Variants in PCED1A observed in about 807,000 individuals in gnomAD.
PCED1A encodes PC-esterase domain containing 1A.
A neutral mutation model predicts 41.9 loss-of-function variants in PCED1A; 20 were observed. The observed-to-expected ratio is 0.48, with a 90% CI of 0.34 to 0.69. The LOEUF (loss-of-function observed/expected upper bound fraction) is 0.69, where lower values mean the gene tolerates loss of function less well. PCED1A is among the 30% of genes least tolerant of loss of function. The pLI is 0.01. For synonymous variants in PCED1A, 236 were observed against 241.3 expected (o/e 0.98, Z 0.20); for missense variants, 498 against 602.1 (o/e 0.83, Z 1.81).
chr20:2,838,077 CCT>C lies in PCED1A; in HGVS notation c.841+153_841+154del, dbSNP rs1242382876. ...AAGAATATTGCTCCGATGATCTAAC[CCT>C]CCTCAGGGGTTGAGGAAGGTGCATG... On this transcript the variant is annotated intron_variant, in intron 6 of 7. Coordinates refer to ENST00000360652, the MANE Select transcript of PCED1A (RefSeq NM_022760.6). This position sits in a 1 kb window ranked among gnomAD's most constrained non-coding sequence, Gnocchi z 5.8. Among the ~76,000 whole-genome samples the C allele has an allele frequency of 2.6e-5, 4 of 152,196 alleles. No individual in the cohort carries two copies. Among genetic ancestry groups the C allele is most frequent in the African/African-American group, 9.7e-5 (4 of 41,448 alleles).
At chr20:2,840,927 G>C (rs2088962647), upstream of PCED1A, 1 of 1,195,664 alleles carries the variant, frequency 8.4e-7, no homozygotes, top group Admixed American at 2.5e-5. Flanking sequence ...CTGGCGCTGG[G>C]GTCCGCCCCG....
chr20:2,838,658 G>A lies in PCED1A; in HGVS notation c.532C>T (p.Leu178=). Residue 178 remains leucine (L), a synonymous_variant, in exon 5 of 8, where the codon CTG becomes TTG. Transcript: ENST00000360652. This position sits in a 1 kb window ranked among gnomAD's most constrained non-coding sequence, Gnocchi z 5.8. ...MDQVLPDSCL[L]VWNMAMPLGE... is the part of the protein sequence containing the mutation. ...AGGGGCATCGCCATGTTCCACACCAGCAGGCAGGAGTCTGGCAATACTTGG... is the reference window on the plus strand; with the variant it reads ...AGGGGCATCGCCATGTTCCACACCAACAGGCAGGAGTCTGGCAATACTTGG... 6.2e-7 allele frequency: 1 copy of A among 1,614,202 alleles called. No homozygotes were observed. The highest frequency in any genetic ancestry group is 8.5e-7 in the Non-Finnish European group (1 of 1,180,048).
intron 7 of PCED1A, 32 bp downstream of exon 7, chr20:2,836,007 C>A (rs371113087): frequency 2.0e-6 from 3 of 1,465,110 alleles, no homozygotes; most frequent in Non-Finnish European, 2.7e-6. Flanking sequence ...AGGGGAGGTA[C>A]AAGAGGGTGG....
At chr20:2,837,361 G>A (rs1286477674) in intron 6 of PCED1A, among the ~76,000 whole-genome samples, 5 of 152,178 alleles carry the variant, frequency 3.3e-5, no homozygotes, top group Middle Eastern at 6.8e-3. Context: ...AACATGACTC[G>A]TGCCTCCCAT....
intron 6 of PCED1A, 35 bp from the exon 7 acceptor site, chr20:2,836,349 G>T (rs1310186644): frequency 6.3e-7 from 1 of 1,578,906 alleles, no homozygotes; most frequent in Non-Finnish European, 8.7e-7. Context: ...GTAGGCTTGG[G>T]AGCCAGGCTG....
rs183110004 is a variant in PCED1A at position 2,835,825 on chromosome 20, G to A, written c.1118-116C>T. 8.7e-4 allele frequency: 1,296 copies of A among 1,488,972 alleles called. 9 individuals carry two copies. In the African/African-American group the frequency reaches 0.016, roughly 18 times the overall value. The allele number at this position is 1,488,972 out of a possible 1,614,324, so 92.2% of individuals were successfully genotyped here. ...TCTCTGTTTCCCTATCTACAAAAAA[G>A]GGATAGTCCTTCCCCTACCTTCAGA... On this transcript the variant is annotated intron_variant, in intron 7 of 7. Transcript: ENST00000360652.
rs1044948576 is a variant in PCED1A at position 2,840,449 on chromosome 20, G to A, written c.-260C>T. 1 of 428,524 alleles carries A rather than the reference G, an allele frequency of 2.3e-6. No homozygotes were observed. The highest frequency in any genetic ancestry group is 5.2e-5 in the East Asian group (1 of 19,256). 26.5% of individuals were successfully genotyped at this position (428,524 alleles called of 1,614,324 possible). On this transcript the variant is annotated 5_prime_UTR_variant, in exon 1 of 8. Coordinates refer to ENST00000360652, the MANE Select transcript of PCED1A (RefSeq NM_022760.6). ...GGCCCCGACGGCGCCTCAGGCCTCGGCGCCTCGGGCTGCGACGCTCACAGC... is the reference window on the plus strand; with the variant it reads ...GGCCCCGACGGCGCCTCAGGCCTCGACGCCTCGGGCTGCGACGCTCACAGC...
rs1255784767 is a variant in PCED1A, at chr20:2,836,287, A to C, written c.869T>G (p.Met290Arg). 1.2e-6 allele frequency: 2 copies of C among 1,614,132 alleles called. No homozygotes were observed. Among genetic ancestry groups the C allele is most frequent in the Middle Eastern group, 1.7e-4 (1 of 6,050 alleles). Residue 290 changes from methionine (M) to arginine (R), a missense_variant, in exon 7 of 8, where the codon ATG becomes AGG. Met to Arg is a moderately conservative substitution (Grantham distance 91). Transcript: ENST00000360652. ...ATGGCTTCCCTGGAATGGATGATTC[A>C]TCTCTGCCCAGTCCTCAATCCACGG... is the stretch of plus-strand genomic sequence containing the variant. Reference protein sequence around the residue: ...PDPWIEDWAEMNHPFQGSHRQ... With the variant: ...PDPWIEDWAERNHPFQGSHRQ...
rs376694892 is a variant in PCED1A, at chr20:2,835,661, A to G, written c.1166T>C (p.Ile389Thr). The G allele has an allele frequency of 1.3e-6, 2 of 1,590,718 alleles. No homozygotes were observed. The highest frequency in any genetic ancestry group is 2.2e-5 in the South Asian group (2 of 89,560). Reference sequence around the variant, plus strand: ...CTGACCATGGGGATTAGGGCCAGGGATTGGAGGTGGCAGAGGGCCAGGCAC... The same window carrying G: ...CTGACCATGGGGATTAGGGCCAGGGGTTGGAGGTGGCAGAGGGCCAGGCAC... ...NFVPGPLPPPIPGPNPHGQHW... is the reference protein window; with the variant it reads ...NFVPGPLPPPTPGPNPHGQHW... Residue 389 changes from isoleucine (I) to threonine (T), a missense_variant, in exon 8 of 8, where the codon ATC becomes ACC. Coordinates refer to ENST00000360652, the MANE Select transcript of PCED1A (RefSeq NM_022760.6).
In PCED1A at chr20:2,835,382, G is replaced by C. The variant is rs2088803065; in HGVS notation, c.*80C>G. 20 of 1,490,678 alleles carry C rather than the reference G, an allele frequency of 1.3e-5. No homozygotes were observed. In the East Asian group the frequency reaches 4.0e-4, roughly 30 times the overall value. The allele number at this position is 1,490,678 out of a possible 1,614,324, so 92.3% of individuals were successfully genotyped here. A position where few individuals can be genotyped will look rare whatever the true frequency, so the allele number is the denominator to read the frequency against. On this transcript the variant is annotated 3_prime_UTR_variant, in exon 8 of 8. Coordinates refer to ENST00000360652, the MANE Select transcript of PCED1A (RefSeq NM_022760.6). ...GACAAGAACAATACCAGGCATAGCA[G>C]ACACCCTAGCCCAGTACCTGAGGTG...
rs202246106 is a variant in PCED1A at position 2,838,800 on chromosome 20, G to A, written c.443+44C>T. On this transcript the variant is annotated intron_variant, in intron 4 of 7. Transcript: ENST00000360652. This position sits in a 1 kb window ranked among gnomAD's most constrained non-coding sequence, Gnocchi z 5.8. ...AGCACAAGGGTGGACTGCCTCAGCC[G>A]TACTTCCAGCCCCAACCAGTATTCC... 2.7e-3 allele frequency: 4,278 copies of A among 1,614,124 alleles called. 6 individuals are homozygous for A. The highest frequency in any genetic ancestry group is 3.6e-3 in the Admixed American group (217 of 60,020).
chr20:2,837,913 C>T (rs774008382), intron 6 of PCED1A, among the ~76,000 whole-genome samples: 2 of 152,224 alleles, frequency 1.3e-5, no homozygotes, highest in Non-Finnish European at 2.9e-5. Context: ...TCCTCACACC[C>T]ATGCCCCATT....
chr20:2,839,707 G>A (rs1386181115), intron 2 of PCED1A, 82 bp downstream of exon 2: 10 of 1,558,078 alleles, frequency 6.4e-6, no homozygotes. Flanking sequence ...CAAGAGATGT[G>A]AGATGGAAAC....
Position 2,836,056 on chromosome 20 carries a change from G to C in PCED1A, c.1100C>G (p.Ser367Trp). Residue 367 changes from serine (S) to tryptophan (W), a missense_variant, in exon 7 of 8, where the codon TCG becomes TGG. This residue lies in a region of PCED1A where 245 missense variants were observed against 232.4 expected (regional missense o/e 1.05). Transcript: ENST00000360652. Reference sequence around the variant, plus strand: ...GCACCTACCTAAGTGGGGTGGCATCGAGAAGTCCTCCACTGGATTATAGTT... The same window carrying C: ...GCACCTACCTAAGTGGGGTGGCATCCAGAAGTCCTCCACTGGATTATAGTT... ...FFNYNPVEDF[S>W]MPPHLGCGPG... is the part of the protein sequence containing the mutation. The C allele has an allele frequency of 6.7e-7, 1 of 1,488,798 alleles. No individual in the cohort carries two copies. The highest frequency in any genetic ancestry group is 1.4e-5 in the South Asian group (1 of 72,604). The allele number at this position is 1,488,798 out of a possible 1,614,324, so 92.2% of individuals were successfully genotyped here. A position where few individuals can be genotyped will look rare whatever the true frequency, so the allele number is the denominator to read the frequency against.
At chr20:2,837,838 C>G (rs942239727) in intron 6 of PCED1A, among the ~76,000 whole-genome samples, 1 of 152,178 alleles carries the variant, frequency 6.6e-6, no homozygotes, top group Non-Finnish European at 1.5e-5. Context: ...ACCCCCACCC[C>G]CCAGCTGTGG....
chr20:2,835,364 A>G lies in PCED1A; in HGVS notation c.*98T>C. The stretch of plus-strand genomic sequence containing the variant: ...TTATTGGTGACAGCAATGGACAAGA[A>G]CAATACCAGGCATAGCAGACACCCT... On this transcript the variant is annotated 3_prime_UTR_variant, in exon 8 of 8. Coordinates refer to ENST00000360652, the MANE Select transcript of PCED1A (RefSeq NM_022760.6). 1 of 1,432,132 alleles carries G rather than the reference A, an allele frequency of 7.0e-7. No individual in the cohort carries two copies. Among genetic ancestry groups the G allele is most frequent in the Non-Finnish European group, 9.3e-7 (1 of 1,071,032 alleles). 88.7% of individuals were successfully genotyped at this position (1,432,132 alleles called of 1,614,324 possible).
Position 2,838,676 on chromosome 20 carries a change from A to G in PCED1A, c.514T>C (p.Leu172=). The stretch of plus-strand genomic sequence containing the variant: ...CACACCAGCAGGCAGGAGTCTGGCA[A>G]TACTTGGTCCATGCGCACAAACACC... ...ERVFVRMDQV[L]PDSCLLVWNM... Residue 172 remains leucine, a synonymous_variant, in exon 5 of 8, where the codon TTG becomes CTG. Transcript: ENST00000360652. The surrounding 1 kb of genome is among the most constrained non-coding windows in gnomAD (Gnocchi z 5.8). 6.2e-7 allele frequency: 1 copy of G among 1,614,142 alleles called. No homozygotes were observed. Among genetic ancestry groups the G allele is most frequent in the Non-Finnish European group, 8.5e-7 (1 of 1,180,008 alleles).
rs373091650 is a variant in PCED1A, at chr20:2,838,901, G to A, written c.386C>T (p.Thr129Ile). ...EYLEDVLEEL[T>I]YGPAPDLVII... Reference sequence around the variant, plus strand: ...CACCAGGTCCGGGGCAGGTCCATATGTCAGCTCTTCCAGAACATCCTCAAG... The same window carrying A: ...CACCAGGTCCGGGGCAGGTCCATATATCAGCTCTTCCAGAACATCCTCAAG... The change falls in exon 4 of 8, where the codon ACA becomes ATA. Residue 129 changes from threonine to isoleucine, a missense_variant. Thr to Ile is a moderately conservative substitution (Grantham distance 89). Coordinates refer to ENST00000360652, the MANE Select transcript of PCED1A (RefSeq NM_022760.6). This position sits in a 1 kb window ranked among gnomAD's most constrained non-coding sequence, Gnocchi z 5.8. 6.2e-7 allele frequency: 1 copy of A among 1,613,898 alleles called. No individual in the cohort carries two copies. The highest frequency in any genetic ancestry group is 8.5e-7 in the Non-Finnish European group (1 of 1,180,020).
Position 2,839,945 on chromosome 20 carries a change from G to C in PCED1A, c.-21-12C>G. ...CCAGCAACGACAGGCTGCAGGGAGA[G>C]GCCACTAAGCAGCGCGATGGTGGGG... is the stretch of plus-strand genomic sequence containing the variant. On this transcript the variant is annotated splice_polypyrimidine_tract_variant and intron_variant, in intron 1 of 7. Coordinates refer to ENST00000360652, the MANE Select transcript of PCED1A (RefSeq NM_022760.6). 1 of 1,603,442 alleles carries C rather than the reference G, an allele frequency of 6.2e-7. No individual in the cohort carries two copies. Among genetic ancestry groups the C allele is most frequent in the Non-Finnish European group, 8.5e-7 (1 of 1,176,776 alleles).
Sources: allele counts gnomAD v4.1 joint callset (sites outside exome capture counted in the v4.1 genomes callset), GRCh38; gene constraint gnomAD v4.1.1; regional missense constraint gnomAD v4.1.1; non-coding constraint Gnocchi (gnomAD v3.1); transcripts MANE v1.5; gene names NCBI Gene and HGNC (gene_info 2026-07-23, HGNC 2026-07-21).